The following BLK variants were observed in gnomAD, a reference collection of about 807,000 sequenced individuals.
BLK encodes BLK proto-oncogene, Src family tyrosine kinase.
A neutral mutation model predicts 61.8 loss-of-function variants in BLK; 64 were observed. The ratio of observed to expected loss-of-function variants is 1.03; its 90% CI spans 0.85 to 1.27. BLK has a LOEUF of 1.27. BLK is among the 50% of genes most tolerant of loss of function. The pLI is 0.00. For missense variants in BLK, 853 were observed against 660.5 expected (o/e 1.29, Z -3.19); for synonymous variants, 351 against 272.0 (o/e 1.29, Z -2.86).
intron 1 of BLK, among the ~76,000 whole-genome samples, chr8:11,542,386 C>T (rs1354788783): frequency 6.6e-6 from 1 of 152,212 alleles, no homozygotes; most frequent in Non-Finnish European, 1.5e-5. Context: ...GGTGCTTCCT[C>T]TCTATGATGT....
intron 1 of BLK, among the ~76,000 whole-genome samples, chr8:11,514,090 G>C (rs1409282691): frequency 1.3e-5 from 2 of 152,268 alleles, no homozygotes; most frequent in Non-Finnish European, 2.9e-5. Context: ...CTGGCACAAG[G>C]AACCATTCTG....
intron 1 of BLK, among the ~76,000 whole-genome samples, chr8:11,515,745 G>A (rs1799198842): frequency 6.6e-6 from 1 of 152,210 alleles, no homozygotes; most frequent in African/African-American, 2.4e-5. Context: ...CATATGTGCT[G>A]CGCTGCATGC....
chr8:11,560,895 G>C (rs1002743588), intron 10 of BLK: 1 of 467,838 alleles, frequency 2.1e-6, no homozygotes, highest in Non-Finnish European at 4.3e-6. Context: ...TCCAGGAGCT[G>C]TGCTTCCAGC....
At chr8:11,559,747 T>C (rs1400174211) in intron 10 of BLK, 1 of 456,236 alleles carries the variant, frequency 2.2e-6, no homozygotes. Flanking sequence ...GCCACCCCTC[T>C]ACCTCCTCTG....
At chr8:11,558,149 G>A (rs1441075202) in intron 10 of BLK, 111 bp downstream of exon 10, 2 of 1,091,736 alleles carry the variant, frequency 1.8e-6, no homozygotes, top group East Asian at 2.5e-5. Context: ...AAGTCAGGGG[G>A]TACTGAAGGC....
At chr8:11,496,058 T>C (rs1189698724) in intron 1 of BLK, among the ~76,000 whole-genome samples, 1 of 152,250 alleles carries the variant, frequency 6.6e-6, no homozygotes, top group Non-Finnish European at 1.5e-5. Context: ...TCACACCTTC[T>C]CTTTGAACAT....
chr8:11,514,935 C>A (rs898911240), intron 1 of BLK, among the ~76,000 whole-genome samples: 1 of 152,130 alleles, frequency 6.6e-6, no homozygotes, highest in Admixed American at 6.5e-5. Flanking sequence ...TGACCTCAGC[C>A]CCCTCCCCTT....
intron 1 of BLK, among the ~76,000 whole-genome samples, chr8:11,506,368 G>A (rs970838013): frequency 6.6e-6 from 1 of 152,112 alleles, no homozygotes; most frequent in Non-Finnish European, 1.5e-5. Context: ...GAAAACAACA[G>A]AATGTGCTGA....
intron 1 of BLK, among the ~76,000 whole-genome samples, chr8:11,504,090 G>C (rs183126616): frequency 1.3e-5 from 2 of 152,146 alleles, no homozygotes; most frequent in African/African-American, 2.4e-5. Context: ...TTGGGAGGCC[G>C]AGGCAGGCGG....
chr8:11,555,703 C>T (rs1318009955), intron 8 of BLK: 2 of 704,986 alleles, frequency 2.8e-6, no homozygotes, highest in African/African-American at 1.8e-5. Flanking sequence ...AGAGCAGGAA[C>T]AGAATCCAGC....
intron 1 of BLK, among the ~76,000 whole-genome samples, chr8:11,539,890 T>A (rs961193916): frequency 6.6e-6 from 1 of 152,242 alleles, no homozygotes; most frequent in Non-Finnish European, 1.5e-5. Flanking sequence ...TTGAATGAAT[T>A]ATATGCTGCA....
At chr8:11,559,791 A>G (rs771571314) in intron 10 of BLK, 6 of 456,038 alleles carry the variant, frequency 1.3e-5, no homozygotes, top group South Asian at 9.3e-5. Context: ...CACCTGGCAG[A>G]ATCCTTATCA....
Position 11,509,488 on chromosome 8 carries a change from G to A in BLK, c.-2+14897G>A, listed in dbSNP as rs529219426. 9 of 152,340 alleles carry A rather than the reference G, an allele frequency of 5.9e-5. No individual in the cohort carries two copies. The South Asian group carries it at 6.2e-4, about 11-fold the overall frequency. 9.4% of individuals were successfully genotyped at this position (152,340 alleles called of 1,614,324 possible). A position where few individuals can be genotyped will look rare whatever the true frequency, so the allele number is the denominator to read the frequency against. ...TCTGTGCGGCAGACTTGAACTGCAC[G>A]GGGGCTGATAGGAAGCAGGGTGGGC... On this transcript the variant is annotated intron_variant, in intron 1 of 12. Transcript: ENST00000259089.
chr8:11,541,073 C>T (rs1800356857), intron 1 of BLK, among the ~76,000 whole-genome samples: 1 of 152,136 alleles, frequency 6.6e-6, no homozygotes, highest in Non-Finnish European at 1.5e-5. Context: ...TGAGACCAGC[C>T]TGCATGACAT....
intron 1 of BLK, among the ~76,000 whole-genome samples, chr8:11,519,469 T>G (rs894724178): frequency 6.6e-6 from 1 of 152,168 alleles, no homozygotes; most frequent in Non-Finnish European, 1.5e-5. Flanking sequence ...TACATCCACA[T>G]GTAGTAGGGA....
chr8:11,498,262 G>A (rs1798428617), intron 1 of BLK, among the ~76,000 whole-genome samples: 1 of 152,168 alleles, frequency 6.6e-6, no homozygotes, highest in Non-Finnish European at 1.5e-5. Context: ...TGTGTGAAAC[G>A]CACAATGCCA....
intron 1 of BLK, among the ~76,000 whole-genome samples, chr8:11,497,756 G>A (rs1052616049): frequency 1.3e-5 from 2 of 152,250 alleles, no homozygotes; most frequent in African/African-American, 2.4e-5. Context: ...AGTGCCATCA[G>A]CATGCTGGGG....
At chr8:11,518,634 G>A (rs904367105) in intron 1 of BLK, among the ~76,000 whole-genome samples, 6 of 151,854 alleles carry the variant, frequency 4.0e-5, no homozygotes, top group Admixed American at 3.3e-4. Context: ...TGCTTCACCC[G>A]CACCCCACAA....
chr8:11,540,937 C>A (rs537834532), intron 1 of BLK, among the ~76,000 whole-genome samples: 1 of 152,130 alleles, frequency 6.6e-6, no homozygotes, highest in East Asian at 1.9e-4. Flanking sequence ...AGACAAATCT[C>A]CCTTGGGAAT....
Sources: gnomAD v4.1 joint callset for allele counts (sites outside exome capture counted in the v4.1 genomes callset) on GRCh38, gnomAD v4.1.1 for gene constraint, MANE v1.5 for transcripts, NCBI Gene and HGNC (gene_info 2026-07-23, HGNC 2026-07-21) for gene names.